Variants in GTF2E2 observed in about 807,000 individuals in gnomAD.
GTF2E2 encodes the protein transcription initiation factor IIE subunit beta.
GTF2E2 carries 21 observed loss-of-function variants against 40.5 expected under a neutral mutation model. The ratio of observed to expected loss-of-function variants is 0.52; its 90% confidence interval spans 0.37 to 0.75. The LOEUF (loss-of-function observed/expected upper bound fraction) is 0.75. Among genes scored for constraint, GTF2E2 ranks in the 30% least tolerant of loss-of-function variants. The pLI, the probability that GTF2E2 is intolerant of heterozygous loss-of-function variation, is 0.00. For synonymous variants in GTF2E2, 117 were observed against 121.6 expected (o/e 0.96, Z 0.25); for missense variants, 298 against 338.4 (o/e 0.88, Z 0.94).
chr8:30,611,047 A>C (rs1411303365), intron 5 of GTF2E2, among the ~76,000 whole-genome samples: 1 of 152,248 alleles, frequency 6.6e-6, no homozygotes, highest in African/African-American at 2.4e-5. Flanking sequence ...AACATGGATG[A>C]ACCTTGAGAA....
intron 1 of GTF2E2, among the ~76,000 whole-genome samples, chr8:30,655,527 A>G (rs1486619734): frequency 2.0e-5 from 3 of 152,214 alleles, no homozygotes; most frequent in Non-Finnish European, 4.4e-5. Context: ...TGTTAAATGA[A>G]CAACACATGG....
chr8:30,623,538 G>C (rs899439071), intron 3 of GTF2E2, among the ~76,000 whole-genome samples: 11 of 151,984 alleles, frequency 7.2e-5, no homozygotes, highest in African/African-American at 2.2e-4. Context: ...CCCAGTAATG[G>C]GATGGCTGGG....
rs190907208 is a variant in GTF2E2, at chr8:30,625,845, C to T, written c.258+9187G>A. ...AACTCCTGACCTCAAGTCACCCGCC[C>T]GCCTCAGCCTCCCAAAGTGCTAGGA... On this transcript the variant is annotated intron_variant, in intron 3 of 7. Transcript: ENST00000355904. Among the ~76,000 whole-genome samples, 734 of 152,270 alleles carry T rather than the reference C, an allele frequency of 4.8e-3. 4 individuals carry two copies. Among genetic ancestry groups the T allele is most frequent in the African/African-American group, 0.017 (696 of 41,548 alleles).
intron 2 of GTF2E2, among the ~76,000 whole-genome samples, chr8:30,651,318 G>A (rs969689311): frequency 3.3e-5 from 5 of 151,212 alleles, no homozygotes; most frequent in African/African-American, 9.7e-5. Context: ...AAAAAACTAC[G>A]AGAAATAAAA....
chr8:30,582,812 C>T (rs1204368721), intron 6 of GTF2E2, among the ~76,000 whole-genome samples: 1 of 152,226 alleles, frequency 6.6e-6, no homozygotes, highest in African/African-American at 2.4e-5. Flanking sequence ...CGCTGACCAT[C>T]AGGCAAGGTG....
In GTF2E2 at chr8:30,614,705, T is replaced by C. The variant is rs779271698; in HGVS notation, c.269A>G (p.Gln90Arg). ...KIVNYMKTRHQRGDTHPLTLD... is the reference protein window; with the variant it reads ...KIVNYMKTRHRRGDTHPLTLD... ...GGTTAGAGGATGCGTATCTCCTCGC[T>C]GATGCCGTGTCTATCAAGTGAAGAA... is the stretch of plus-strand genomic sequence containing the variant. Residue 90 changes from glutamine to arginine, a missense_variant, in exon 4 of 8, where the codon CAG (glutamine) becomes CGG (arginine). Physicochemically the swap from Gln to Arg is conservative, Grantham distance 43 (BLOSUM62 1). Transcript: ENST00000355904. 20 of 1,590,474 alleles carry C rather than the reference T, an allele frequency of 1.3e-5. No individual in the cohort carries two copies. In the South Asian group the frequency reaches 2.1e-4, roughly 17 times the overall value.
At chr8:30,618,049 A>G (rs1800974723) in intron 3 of GTF2E2, among the ~76,000 whole-genome samples, 1 of 152,162 alleles carries the variant, frequency 6.6e-6, no homozygotes, top group African/African-American at 2.4e-5. Context: ...CTGTAATCCC[A>G]GCACTTTGGG....
chr8:30,602,198 A>C (rs1829199819), intron 6 of GTF2E2, among the ~76,000 whole-genome samples: 1 of 151,994 alleles, frequency 6.6e-6, no homozygotes, highest in Non-Finnish European at 1.5e-5. Flanking sequence ...TTGTACTTTT[A>C]GGAGAAATGG....
intron 6 of GTF2E2, among the ~76,000 whole-genome samples, chr8:30,587,892 A>AAC (rs1828729241): frequency 6.6e-6 from 1 of 151,430 alleles, no homozygotes; most frequent in Non-Finnish European, 1.5e-5. Context: ...AAAAAAAAAA[A>AAC]ACCACACAAA....
In GTF2E2 at chr8:30,612,428, C is replaced by T. The variant is rs1829503012; in HGVS notation, c.420G>A (p.Lys140=). 6.2e-7 allele frequency: 1 copy of T among 1,612,780 alleles called. No individual in the cohort carries two copies. Among genetic ancestry groups the T allele is most frequent in the Admixed American group, 1.7e-5 (1 of 59,996 alleles). ...TCTTATCTCTCACGTTGTACTTGGG[C>T]TTGAAAGCATACTTCCCATCTATTA... ...IEVIDGKYAF[K]PKYNVRDKKA... Residue 140 remains lysine, a synonymous_variant, in exon 5 of 8, where the codon AAG becomes AAA. Coordinates refer to ENST00000355904, the MANE Select transcript of GTF2E2 (RefSeq NM_002095.6).
At chr8:30,645,294 A>G in intron 2 of GTF2E2, 3 of 1,528,452 alleles carry the variant, frequency 2.0e-6, no homozygotes, top group Non-Finnish European at 2.6e-6. Context: ...CAAAAGAGCA[A>G]GTGGAATCTC....
intron 2 of GTF2E2, among the ~76,000 whole-genome samples, chr8:30,642,780 A>G (rs1367843786): frequency 6.6e-6 from 1 of 152,246 alleles, no homozygotes; most frequent in African/African-American, 2.4e-5. Context: ...TGAATAAACT[A>G]TATTAATTTA....
intron 2 of GTF2E2, among the ~76,000 whole-genome samples, 198 bp from the exon 3 acceptor site, chr8:30,635,321 A>G (rs1307451917): frequency 6.6e-6 from 1 of 152,202 alleles, no homozygotes; most frequent in Non-Finnish European, 1.5e-5. Flanking sequence ...GGGTAGAAAC[A>G]AAGTATAAAT....
At chr8:30,619,471 C>G (rs746407317) in intron 3 of GTF2E2, among the ~76,000 whole-genome samples, 6 of 151,748 alleles carry the variant, frequency 4.0e-5, no homozygotes, top group Non-Finnish European at 5.9e-5. Flanking sequence ...TCACCGCAAC[C>G]GCCACCTCCC....
In GTF2E2 at chr8:30,620,484, TA is replaced by T. The variant is rs1042430685; in HGVS notation, c.259-5770del. On this transcript the variant is annotated intron_variant, in intron 3 of 7. Transcript: ENST00000355904. ...TCAGAAAAAGAGCTTCTTATACTGT[TA>T]AAAAAATTATTTTAAAATAGTGTAT... Among the ~76,000 whole-genome samples the T allele has an allele frequency of 2.0e-5, 3 of 152,208 alleles. No homozygotes were observed. In the South Asian group the frequency reaches 6.2e-4, roughly 32 times the overall value.
intron 2 of GTF2E2, among the ~76,000 whole-genome samples, chr8:30,651,377 A>G (rs1220247461): frequency 3.3e-5 from 5 of 151,866 alleles, no homozygotes; most frequent in Non-Finnish European, 5.9e-5. Flanking sequence ...ATTAAAAAAA[A>G]CTCTTGTTTC....
In GTF2E2 at chr8:30,579,036, G is replaced by T. The variant is rs1303776324; in HGVS notation, c.761C>A (p.Ala254Asp). Residue 254 changes from alanine to aspartate, a missense_variant and splice_region_variant, in exon 8 of 8, where the codon GCC becomes GAC. Transcript: ENST00000355904. ...SMQESGPKKV[A>D]PIQRRKKPAS... ...AGGCTTTTTCCTTCTCTGAATAGGG[G>T]CCTAAAGGAAAAGGTAAAAACAATT... The T allele has an allele frequency of 2.6e-6, 4 of 1,517,184 alleles. No individual in the cohort carries two copies. In the South Asian group the frequency reaches 4.5e-5, roughly 17 times the overall value. 94.0% of individuals were successfully genotyped at this position (1,517,184 alleles called of 1,614,324 possible).
At chr8:30,656,001 G>C (rs1037252258) in intron 1 of GTF2E2, among the ~76,000 whole-genome samples, 9 of 152,008 alleles carry the variant, frequency 5.9e-5, no homozygotes, top group African/African-American at 2.2e-4. Context: ...AGTAGAGACG[G>C]GGTTCATTCA....
Sources: allele counts gnomAD v4.1 joint callset (sites outside exome capture counted in the v4.1 genomes callset), GRCh38; gene constraint gnomAD v4.1.1; transcripts MANE v1.5; gene names NCBI Gene and HGNC (gene_info 2026-07-23, HGNC 2026-07-21).